Variants in NDUFAF7 observed in about 807,000 individuals in gnomAD.
NDUFAF7 encodes protein arginine methyltransferase NDUFAF7, mitochondrial.
In NDUFAF7, 48 loss-of-function variants were observed where a neutral mutation model predicts 47.2. That is an observed-to-expected ratio of 1.02 (90% confidence interval 0.81 to 1.29). NDUFAF7 has a LOEUF of 1.29. Ranked by LOEUF, NDUFAF7 falls within the 50% of genes most tolerant of loss-of-function variation. The probability of loss-of-function intolerance (pLI) is 0.00; values close to 1 mark genes in which losing one functional copy is unlikely to be tolerated. For synonymous variants in NDUFAF7, 217 were observed against 190.0 expected (o/e 1.14, Z -1.17); for missense variants, 635 against 537.6 (o/e 1.18, Z -1.79).
Position 37,247,521 on chromosome 2 carries a change from T to C in NDUFAF7, c.1002T>C (p.Asp334=), listed in dbSNP as rs745608387. Reference sequence around the variant, plus strand: ...CAGGAACAGCAGATCTAACAGCTGATGTGGACTTCAGTTATTTGCGAAGAA... The same window carrying C: ...CAGGAACAGCAGATCTAACAGCTGACGTGGACTTCAGTTATTTGCGAAGAA... The part of the protein sequence containing the change: ...IAPGTADLTA[D]VDFSYLRRMA... Residue 334 remains aspartate, a synonymous_variant, in exon 9 of 10, where the codon GAT becomes GAC. Transcript: ENST00000002125. 12 of 1,614,090 alleles carry C rather than the reference T, an allele frequency of 7.4e-6. No individual in the cohort carries two copies. The highest frequency in any genetic ancestry group is 1.0e-5 in the Non-Finnish European group (12 of 1,179,982).
At chr2:37,243,801 G>T (rs1239372022) in intron 6 of NDUFAF7, 62 bp from the exon 7 acceptor site, 27 of 1,225,288 alleles carry the variant, frequency 2.2e-5, no homozygotes, top group Non-Finnish European at 3.1e-5. Flanking sequence ...GCTATTTTTG[G>T]TAGAAGCAAT....
Position 37,248,371 on chromosome 2 carries a change from A to AC in NDUFAF7, c.*24dup, listed in dbSNP as rs1667148387. ...AGTGATATTTCAGCTTGGACATTTT[A>AC]CCCTTCAGTCGGCCCAAGAAATCAA... On this transcript the variant is annotated 3_prime_UTR_variant, in exon 10 of 10. Coordinates refer to ENST00000002125, the MANE Select transcript of NDUFAF7 (RefSeq NM_144736.5). The AC allele has an allele frequency of 1.3e-6, 2 of 1,598,742 alleles. No individual in the cohort carries two copies. The highest frequency in any genetic ancestry group is 1.1e-5 in the South Asian group (1 of 90,730).
At chr2:37,255,441 G>GT (rs1290058193), downstream of NDUFAF7, among the ~76,000 whole-genome samples, 1 of 152,178 alleles carries the variant, frequency 6.6e-6, no homozygotes, top group African/African-American at 2.4e-5. Flanking sequence ...CTTCCTATCA[G>GT]TATCAGCAGA....
chr2:37,243,975 T>C lies in NDUFAF7; in HGVS notation c.792+2T>C, dbSNP rs1268269333. On this transcript the variant is annotated splice_donor_variant, in intron 7 of 9. Coordinates refer to ENST00000002125, the MANE Select transcript of NDUFAF7 (RefSeq NM_144736.5). LOFTEE classifies it high-confidence loss of function. The stretch of plus-strand genomic sequence containing the variant: ...ACCCCAGCAGAAGCCTTCATACAAG[T>C]AAGAATATGCTTTTTTAAGTTTCTT... The C allele has an allele frequency of 6.3e-7, 1 of 1,599,754 alleles. No homozygotes were observed. The highest frequency in any genetic ancestry group is 8.6e-7 in the Non-Finnish European group (1 of 1,167,522).
rs1308329205 is a variant in NDUFAF7 at position 37,231,776 on chromosome 2, C to T, written c.55+16C>T. ...GCGCGCGCAGGTAAGCGTCAGTCCC[C>T]TCGAAGCCCGGTTGCCGTGGAAGCC... On this transcript the variant is annotated intron_variant, in intron 1 of 9. Coordinates refer to ENST00000002125, the MANE Select transcript of NDUFAF7 (RefSeq NM_144736.5). 2 of 1,614,104 alleles carry T rather than the reference C, an allele frequency of 1.2e-6. No homozygotes were observed. The highest frequency in any genetic ancestry group is 1.7e-6 in the Non-Finnish European group (2 of 1,180,014).
Position 37,245,088 on chromosome 2 carries a change from A to G in NDUFAF7, c.793-964A>G, listed in dbSNP as rs556400611. On this transcript the variant is annotated intron_variant, in intron 7 of 9. Transcript: ENST00000002125. ...TAAGCCACAGTAATTTGATTGCACT[A>G]TTAGCTAAATGGTTAGTTATATTTA... is the stretch of plus-strand genomic sequence containing the variant. Among the ~76,000 whole-genome samples the G allele has an allele frequency of 1.4e-4, 21 of 152,342 alleles. No homozygotes were observed. The South Asian group carries it at 1.7e-3, about 12-fold the overall frequency.
At chr2:37,267,264 T>C in the NDUFAF7 span, among the ~76,000 whole-genome samples, 1 of 151,780 alleles carries the variant, frequency 6.6e-6, no homozygotes, top group Non-Finnish European at 1.5e-5. Flanking sequence ...CTCACGAAAA[T>C]GTGTTCTAAA....
At position 37,248,824 on chromosome 2, in the gene NDUFAF7, G is replaced by T. The variant is rs145169621; in HGVS notation, c.*474G>T. The stretch of plus-strand genomic sequence containing the variant: ...AGCTACTCAGGAGGCTGAGACAGGA[G>T]AATCACTTGAACCTGGGAGGTGGAG... On this transcript the variant is annotated 3_prime_UTR_variant, in exon 10 of 10. Transcript: ENST00000002125. The T allele has an allele frequency of 1.6e-3, 282 of 180,776 alleles. 2 individuals carry two copies. The highest frequency in any genetic ancestry group is 6.4e-3 in the African/African-American group (268 of 41,944). 11.2% of individuals were successfully genotyped at this position (180,776 alleles called of 1,614,324 possible).
At chr2:37,257,625 C>T (rs1175935206), downstream of NDUFAF7, among the ~76,000 whole-genome samples, 1 of 136,902 alleles carries the variant, frequency 7.3e-6, no homozygotes, top group East Asian at 2.3e-4. Flanking sequence ...GAGATTACGC[C>T]GCTGCAATCC....
At chr2:37,260,499 C>A in the NDUFAF7 span, 2 of 923,896 alleles carry the variant, frequency 2.2e-6, no homozygotes, top group African/African-American at 1.7e-5. Context: ...GAGAAGTAAA[C>A]AAAGCAAACA....
At position 37,241,565 on chromosome 2, in the gene NDUFAF7, T is replaced by A. The variant is rs200722911; in HGVS notation, c.409-13T>A. The A allele has an allele frequency of 1.1e-4, 180 of 1,604,206 alleles. No homozygotes were observed. The African/African-American group carries it at 2.1e-3, about 18-fold the overall frequency. ...TAACACATTGTATTTTTTTTTCTTC[T>A]TTTGGTATTTAGGTGTTCACTCAAC... On this transcript the variant is annotated splice_polypyrimidine_tract_variant and intron_variant, in intron 4 of 9. Coordinates refer to ENST00000002125, the MANE Select transcript of NDUFAF7 (RefSeq NM_144736.5).
At chr2:37,235,829 G>T (rs962114386) in intron 2 of NDUFAF7, among the ~76,000 whole-genome samples, 1 of 151,760 alleles carries the variant, frequency 6.6e-6, no homozygotes, top group African/African-American at 2.4e-5. Context: ...TAATTTTTTT[G>T]TATTGTTTTT....
chr2:37,237,691 T>A, intron 3 of NDUFAF7, 66 bp from the exon 4 acceptor site: 1 of 1,249,398 alleles, frequency 8.0e-7, no homozygotes, highest in Non-Finnish European at 1.1e-6. Flanking sequence ...TGTGAAATTT[T>A]ATATTGTGGT....
At chr2:37,253,112 C>G (rs985881487), downstream of NDUFAF7, 56 of 1,465,374 alleles carry the variant, frequency 3.8e-5, no homozygotes, top group Non-Finnish European at 5.1e-5. Flanking sequence ...CTACAAAGAA[C>G]AAGTTACACA....
At chr2:37,256,139 G>C (rs1407907895), downstream of NDUFAF7, among the ~76,000 whole-genome samples, 1 of 152,202 alleles carries the variant, frequency 6.6e-6, no homozygotes, top group East Asian at 1.9e-4. Flanking sequence ...ATTTTAATAG[G>C]AAGGATTGTA....
intron 9 of NDUFAF7, 129 bp from the exon 10 acceptor site, chr2:37,248,006 C>A: frequency 1.3e-6 from 1 of 788,388 alleles, no homozygotes; most frequent in Non-Finnish European, 2.1e-6. Context: ...CTATGATTCT[C>A]AGGCAGGTAA....
intron 3 of NDUFAF7, among the ~76,000 whole-genome samples, chr2:37,236,932 A>G (rs1279538858): frequency 1.3e-5 from 2 of 152,150 alleles, no homozygotes; most frequent in African/African-American, 2.4e-5. Context: ...TAAAGCTCCC[A>G]GTCATGATTT....
At chr2:37,256,954 T>G, downstream of NDUFAF7, 2 of 1,612,984 alleles carry the variant, frequency 1.2e-6, no homozygotes, top group Non-Finnish European at 1.7e-6. Flanking sequence ...ATGATGTTAA[T>G]TTTGTATTAT....
chr2:37,238,019 T>C, intron 4 of NDUFAF7, 152 bp downstream of exon 4: 1 of 653,694 alleles, frequency 1.5e-6, no homozygotes, highest in South Asian at 1.8e-5. Flanking sequence ...CAGTCATTAC[T>C]TACTGTTGTC....
Sources: gnomAD v4.1 joint callset for allele counts (sites outside exome capture counted in the v4.1 genomes callset) on GRCh38, gnomAD v4.1.1 for gene constraint, MANE v1.5 for transcripts, NCBI Gene and HGNC (gene_info 2026-07-23, HGNC 2026-07-21) for gene names.